The following CWH43 variants were observed in gnomAD, a reference collection of about 807,000 sequenced individuals.
CWH43 encodes the protein PGAP2-interacting protein.
Under a neutral mutation model 85.7 loss-of-function variants are expected in CWH43, and 91 were observed. The ratio of observed to expected loss-of-function variants is 1.06; its 90% CI spans 0.90 to 1.26. CWH43 has a LOEUF of 1.26. CWH43 is among the 50% of genes most tolerant of loss of function. CWH43 has a pLI of 0.00. For synonymous variants in CWH43, 323 were observed against 293.6 expected (o/e 1.10, Z -1.02); for missense variants, 869 against 839.2 (o/e 1.04, Z -0.44).
At chr4:49,046,367 C>A (rs1784623052) in intron 14 of CWH43, among the ~76,000 whole-genome samples, 1 of 151,686 alleles carries the variant, frequency 6.6e-6, no homozygotes. Context: ...ACTAAATCCT[C>A]TTTATGTACT....
intron 11 of CWH43, among the ~76,000 whole-genome samples, chr4:49,032,182 AGTT>A (rs1784119010): frequency 6.6e-6 from 1 of 152,190 alleles, no homozygotes; most frequent in Non-Finnish European, 1.5e-5. Flanking sequence ...TAATTTTGTA[AGTT>A]GTTACTCCAT....
At chr4:48,993,818 G>A (rs1169850355) in intron 4 of CWH43, among the ~76,000 whole-genome samples, 2 of 152,184 alleles carry the variant, frequency 1.3e-5, no homozygotes, top group East Asian at 1.9e-4. Context: ...GCAGTGTCAC[G>A]ATCTCAGCGC....
At chr4:49,059,544 T>C (rs1470356135) in intron 15 of CWH43, among the ~76,000 whole-genome samples, 1 of 152,222 alleles carries the variant, frequency 6.6e-6, no homozygotes, top group African/African-American at 2.4e-5. Context: ...CTGGTATCTG[T>C]ACATTTGAAA....
chr4:49,002,867 C>G (rs1367755861), intron 6 of CWH43, among the ~76,000 whole-genome samples: 1 of 152,138 alleles, frequency 6.6e-6, no homozygotes, highest in Non-Finnish European at 1.5e-5. Flanking sequence ...CTTTCTGCTT[C>G]CCACTCCTTT....
At chr4:49,037,919 G>C (rs1784308252) in intron 12 of CWH43, 117 bp from the exon 13 acceptor site, 1 of 780,308 alleles carries the variant, frequency 1.3e-6, no homozygotes, top group Non-Finnish European at 2.1e-6. Flanking sequence ...TGCCCGAGTA[G>C]GAATGACTCT....
chr4:49,017,355 A>G lies in CWH43; in HGVS notation c.1266+27A>G, dbSNP rs1254726204. The stretch of plus-strand genomic sequence containing the variant: ...TAAGTAATTAAAAACCTTGAAATAG[A>G]ATTTTATATGGTATATATATGTGCA... On this transcript the variant is annotated intron_variant, in intron 9 of 15. Transcript: ENST00000226432. The G allele has an allele frequency of 5.5e-6, 8 of 1,445,882 alleles. No homozygotes were observed. The East Asian group carries it at 1.4e-4, about 25-fold the overall frequency. 89.6% of individuals were successfully genotyped at this position (1,445,882 alleles called of 1,614,324 possible).
At chr4:49,027,758 T>G (rs1277794930) in intron 9 of CWH43, among the ~76,000 whole-genome samples, 1 of 152,224 alleles carries the variant, frequency 6.6e-6, no homozygotes, top group Non-Finnish European at 1.5e-5. Flanking sequence ...CACCTTATTG[T>G]ACTATCAAAT....
Position 48,988,472 on chromosome 4 carries a change from TGTAGGA to T in CWH43, c.44-4_45del. 3 of 1,526,106 alleles carry T rather than the reference TGTAGGA, an allele frequency of 2.0e-6. No homozygotes were observed. Among genetic ancestry groups the T allele is most frequent in the Admixed American group, 4.4e-5 (2 of 45,300 alleles). 94.5% of individuals were successfully genotyped at this position (1,526,106 alleles called of 1,614,324 possible). The stretch of plus-strand genomic sequence containing the variant: ...TTCTCTCTTTAACTTTTTTTTTTTT[TGTAGGA>T]TGTGTTTCTTGGTCTCTCTACCATG... On this transcript the variant is annotated splice_acceptor_variant and splice_polypyrimidine_tract_variant and coding_sequence_variant and intron_variant, in exon 2 of 16. Coordinates refer to ENST00000226432, the MANE Select transcript of CWH43 (RefSeq NM_025087.3). LOFTEE classifies it high-confidence loss of function.
At chr4:48,986,509 C>T in intron 1 of CWH43, 37 bp downstream of exon 1, 1 of 1,550,210 alleles carries the variant, frequency 6.5e-7, no homozygotes, top group African/African-American at 1.4e-5. Context: ...TCGCGGGTGC[C>T]AGCTCCCCGG....
At chr4:49,007,394 G>C (rs1415714001) in intron 8 of CWH43, 68 bp downstream of exon 8, 2 of 1,408,990 alleles carry the variant, frequency 1.4e-6, no homozygotes, top group East Asian at 5.2e-5. Context: ...AAATTAAAGA[G>C]TATAATGATC....
At chr4:49,057,047 T>G (rs867881400) in intron 15 of CWH43, among the ~76,000 whole-genome samples, 24 of 152,238 alleles carry the variant, frequency 1.6e-4, no homozygotes, top group African/African-American at 5.5e-4. Flanking sequence ...TTGTTAAGGC[T>G]TGTTTTGTGG....
At chr4:49,047,023 T>C (rs911323424) in intron 14 of CWH43, among the ~76,000 whole-genome samples, 1 of 152,196 alleles carries the variant, frequency 6.6e-6, no homozygotes, top group Non-Finnish European at 1.5e-5. Context: ...CTTTTCTCCA[T>C]ATAGAGCAGT....
chr4:49,007,625 C>A (rs1399858384), intron 8 of CWH43, among the ~76,000 whole-genome samples: 2 of 152,042 alleles, frequency 1.3e-5, no homozygotes, highest in Non-Finnish European at 2.9e-5. Flanking sequence ...TCCCTCCCCC[C>A]TCACCCCACC....
chr4:48,989,041 A>G (rs2109737338), intron 2 of CWH43, among the ~76,000 whole-genome samples: 1 of 152,356 alleles, frequency 6.6e-6, no homozygotes, highest in South Asian at 2.1e-4. Flanking sequence ...AATTATGATG[A>G]AAAACACCAC....
chr4:49,031,062 C>A, intron 11 of CWH43, 102 bp downstream of exon 11: 1 of 1,121,070 alleles, frequency 8.9e-7, no homozygotes, highest in Non-Finnish European at 1.2e-6. Context: ...GGTGAATGTG[C>A]CCCAGTGATG....
chr4:49,062,012 G>A lies in CWH43; in HGVS notation c.*122G>A, dbSNP rs1577723361. 1.4e-6 allele frequency: 1 copy of A among 724,256 alleles called. No individual in the cohort carries two copies. The allele number at this position is 724,256 out of a possible 1,614,324, so 44.9% of individuals were successfully genotyped here. On this transcript the variant is annotated 3_prime_UTR_variant, in exon 16 of 16. Coordinates refer to ENST00000226432, the MANE Select transcript of CWH43 (RefSeq NM_025087.3). ...AAGAACCTCAACTTAAAAAACACATGGTATCTATGCAGTGGGAAATTACCT... is the reference window on the plus strand; with the variant it reads ...AAGAACCTCAACTTAAAAAACACATAGTATCTATGCAGTGGGAAATTACCT...
chr4:49,016,435 A>G (rs1405784286), intron 8 of CWH43, among the ~76,000 whole-genome samples: 1 of 152,068 alleles, frequency 6.6e-6, no homozygotes, highest in Non-Finnish European at 1.5e-5. Context: ...TCCTGCCTTC[A>G]CTGGGGCCTA....
At chr4:49,030,251 G>A (rs1379717753) in intron 10 of CWH43, among the ~76,000 whole-genome samples, 1 of 152,218 alleles carries the variant, frequency 6.6e-6, no homozygotes, top group African/African-American at 2.4e-5. Flanking sequence ...ACGGGTGTAT[G>A]GAGCAGGATA....
intron 14 of CWH43, among the ~76,000 whole-genome samples, chr4:49,049,864 C>T (rs1270537961): frequency 6.6e-6 from 1 of 152,182 alleles, no homozygotes; most frequent in Non-Finnish European, 1.5e-5. Flanking sequence ...ACACTGCATT[C>T]ACCCCAGTGC....
Sources: gnomAD v4.1 joint callset for allele counts (sites outside exome capture counted in the v4.1 genomes callset) on GRCh38, gnomAD v4.1.1 for gene constraint, MANE v1.5 for transcripts, NCBI Gene and HGNC (gene_info 2026-07-23, HGNC 2026-07-21) for gene names.